The following STK32B variants were observed in gnomAD, a reference collection of about 807,000 sequenced individuals.
STK32B encodes serine/threonine kinase 32B.
Under a neutral mutation model 52.6 loss-of-function variants are expected in STK32B, and 43 were observed. That is an observed-to-expected ratio of 0.82 (90% CI 0.64 to 1.05). The LOEUF (loss-of-function observed/expected upper bound fraction) is 1.05. Ranked by LOEUF, STK32B falls within the 50% of genes least tolerant of loss-of-function variation. STK32B has a pLI of 0.00. For synonymous variants in STK32B, 238 were observed against 204.3 expected, an observed-to-expected ratio of 1.17 and a Z score of -1.41; for missense variants, 621 against 534.6, an observed-to-expected ratio of 1.16 and a Z score of -1.59.
chr4:5,485,633 G>C (rs960862093), intron 11 of STK32B, among the ~76,000 whole-genome samples: 5 of 152,212 alleles, frequency 3.3e-5, no homozygotes, highest in Admixed American at 3.3e-4. Flanking sequence ...CTGGTGAGGA[G>C]CTGCGTTCCT....
At chr4:5,129,993 A>ACATCC (rs1376273163) in intron 1 of STK32B, among the ~76,000 whole-genome samples, 1 of 152,188 alleles carries the variant, frequency 6.6e-6, no homozygotes, top group Non-Finnish European at 1.5e-5. Context: ...CAAGGAGTTG[A>ACATCC]CATCCCAAAG....
At chr4:5,495,225 G>A (rs1482580179) in intron 11 of STK32B, among the ~76,000 whole-genome samples, 1 of 152,160 alleles carries the variant, frequency 6.6e-6, no homozygotes, top group South Asian at 2.1e-4. Flanking sequence ...ATCAGACGTA[G>A]ATTTGGTCTT....
At chr4:5,345,892 C>G (rs1306061068) in intron 4 of STK32B, among the ~76,000 whole-genome samples, 1 of 152,176 alleles carries the variant, frequency 6.6e-6, no homozygotes, top group Admixed American at 6.5e-5. Flanking sequence ...TTTTTAGTGA[C>G]ACTATTCAAC....
At chr4:5,248,775 G>A (rs1358696954) in intron 3 of STK32B, among the ~76,000 whole-genome samples, 1 of 152,118 alleles carries the variant, frequency 6.6e-6, no homozygotes, top group Non-Finnish European at 1.5e-5. Flanking sequence ...GTCCTTTTTA[G>A]GGATATGGAT....
chr4:5,376,586 CAT>C (rs766731814), intron 4 of STK32B, among the ~76,000 whole-genome samples: 43 of 152,064 alleles, frequency 2.8e-4, no homozygotes, highest in Admixed American at 1.1e-3. Context: ...TTTCCTCCTC[CAT>C]AAGGGCACAC....
At chr4:5,332,648 G>A (rs55977716) in intron 4 of STK32B, among the ~76,000 whole-genome samples, 3,754 of 151,836 alleles carry the variant, frequency 0.025, 151 homozygotes, top group African/African-American at 0.085. Flanking sequence ...CCTCCCCGCT[G>A]CCTCCACCCC....
chr4:5,334,790 C>T lies in STK32B; in HGVS notation c.434+3397C>T, dbSNP rs534165275. On this transcript the variant is annotated intron_variant, in intron 4 of 11. Coordinates refer to ENST00000282908, the MANE Select transcript of STK32B (RefSeq NM_018401.3). ...ATGCTGGATTACATTTATTGATTTG[C>T]GTATATTGAACCAGCCTTGCATCCT... Among the ~76,000 whole-genome samples, 1,161 of 151,864 alleles carry T rather than the reference C, an allele frequency of 7.6e-3. 11 individuals are homozygous for T. Among genetic ancestry groups the T allele is most frequent in the African/African-American group, 0.017 (721 of 41,238 alleles).
At chr4:5,055,202 A>G (rs751754994) in intron 1 of STK32B, among the ~76,000 whole-genome samples, 12 of 151,670 alleles carry the variant, frequency 7.9e-5, no homozygotes, top group Non-Finnish European at 1.6e-4. Flanking sequence ...GGGTCCTTCC[A>G]TCTCAGCCTC....
At position 5,109,133 on chromosome 4, in the gene STK32B, A is replaced by G. The variant is rs546716424; in HGVS notation, c.53-30772A>G. 2.0e-5 allele frequency among the ~76,000 whole-genome samples: 3 copies of G among 152,290 alleles called. No homozygotes were observed. The South Asian group carries it at 6.2e-4, about 32-fold the overall frequency. On this transcript the variant is annotated intron_variant, in intron 1 of 11. Coordinates refer to ENST00000282908, the MANE Select transcript of STK32B (RefSeq NM_018401.3). ...CAGAGCCTTGTCCAGCAACAAAACT[A>G]TGTGCTTTATTATCCTGTGAGCCCT...
intron 1 of STK32B, among the ~76,000 whole-genome samples, chr4:5,082,726 G>C (rs902721511): frequency 1.6e-5 from 2 of 128,494 alleles, no homozygotes; most frequent in South Asian, 4.8e-4. Flanking sequence ...GTACATGTTC[G>C]TAGTAAAAAA....
the STK32B span, among the ~76,000 whole-genome samples, chr4:5,032,917 C>A: frequency 6.6e-6 from 1 of 152,190 alleles, no homozygotes; most frequent in Admixed American, 6.5e-5. Context: ...CAGACCGGCT[C>A]TTTCCCTTCC....
At chr4:5,267,484 G>GT (rs1727129362) in intron 3 of STK32B, among the ~76,000 whole-genome samples, 1 of 152,100 alleles carries the variant, frequency 6.6e-6, no homozygotes, top group African/African-American at 2.4e-5. Context: ...ATCAATCTGA[G>GT]TAACAACAGC....
In STK32B at chr4:5,249,457, T is replaced by A. The variant is rs372116690; in HGVS notation, c.260+81007T>A. 6.4e-3 allele frequency among the ~76,000 whole-genome samples: 504 copies of A among 78,778 alleles called. 3 individuals carry two copies. Among genetic ancestry groups the A allele is most frequent in the African/African-American group, 0.04 (423 of 10,514 alleles). The allele number at this position is 78,778 out of a possible 152,430, so 51.7% of individuals were successfully genotyped here. ...TTCCTACCTACCTTCCTTCCTTCCTTCCTTCCTTCCTTCCTTCCTTCCTTC... is the reference window on the plus strand; with the variant it reads ...TTCCTACCTACCTTCCTTCCTTCCTACCTTCCTTCCTTCCTTCCTTCCTTC... On this transcript the variant is annotated intron_variant, in intron 3 of 11. Transcript: ENST00000282908.
chr4:5,466,426 A>G (rs1389988502), intron 9 of STK32B, among the ~76,000 whole-genome samples: 4 of 152,238 alleles, frequency 2.6e-5, no homozygotes, highest in Admixed American at 6.5e-5. Flanking sequence ...AACTCAGCCT[A>G]GTATGAAAAA....
chr4:5,207,369 C>A (rs1577194201), intron 3 of STK32B, among the ~76,000 whole-genome samples: 1 of 152,288 alleles, frequency 6.6e-6, no homozygotes, highest in East Asian at 1.9e-4. Flanking sequence ...GAATAAGTTT[C>A]ATGAGATCTG....
chr4:5,073,016 G>C (rs185138089), intron 1 of STK32B, among the ~76,000 whole-genome samples: 1 of 152,148 alleles, frequency 6.6e-6, no homozygotes, highest in Non-Finnish European at 1.5e-5. Context: ...CTGTTAATAT[G>C]ATCACAGCAG....
chr4:5,431,552 T>C (rs1473843063), intron 6 of STK32B, among the ~76,000 whole-genome samples: 4 of 151,936 alleles, frequency 2.6e-5, no homozygotes, highest in Admixed American at 6.6e-5. Context: ...ACATTTAACA[T>C]GAAGTAGCTT....
At chr4:5,332,100 T>A (rs1168207918) in intron 4 of STK32B, among the ~76,000 whole-genome samples, 1 of 152,168 alleles carries the variant, frequency 6.6e-6, no homozygotes, top group Non-Finnish European at 1.5e-5. Context: ...TTAACTAATT[T>A]TGAAAGATTT....
rs903896904 is a variant in STK32B at position 5,459,952 on chromosome 4, C to T, written c.784-151C>T. 4.3e-6 allele frequency: 5 copies of T among 1,170,776 alleles called. No individual in the cohort carries two copies. The Admixed American group carries it at 1.1e-4, about 25-fold the overall frequency. 72.5% of individuals were successfully genotyped at this position (1,170,776 alleles called of 1,614,324 possible). ...TATAAAGAGATGAGTGCAGATGGCG[C>T]TTCCAACAACAGTGACCCAGACGGG... On this transcript the variant is annotated intron_variant, in intron 8 of 11. Coordinates refer to ENST00000282908, the MANE Select transcript of STK32B (RefSeq NM_018401.3).
Sources: allele counts gnomAD v4.1 joint callset (sites outside exome capture counted in the v4.1 genomes callset), GRCh38; gene constraint gnomAD v4.1.1; transcripts MANE v1.5; gene names NCBI Gene and HGNC (gene_info 2026-07-23, HGNC 2026-07-21).